The following SH3KBP1 variants were observed in gnomAD, a reference collection of about 807,000 sequenced individuals.
SH3KBP1 encodes SH3 domain containing kinase binding protein 1.
A neutral mutation model predicts 50.1 loss-of-function variants in SH3KBP1; 8 were observed. That is an observed-to-expected ratio of 0.16 (90% CI 0.09 to 0.29). The LOEUF (loss-of-function observed/expected upper bound fraction) is 0.29. SH3KBP1 is among the 10% of genes least tolerant of loss of function. SH3KBP1 has a pLI of 1.00. For synonymous variants in SH3KBP1, 227 were observed against 218.6 expected, an observed-to-expected ratio of 1.04 and a Z score of -0.34; for missense variants, 377 against 535.2, an observed-to-expected ratio of 0.70 and a Z score of 2.92.
intron 1 of SH3KBP1, among the ~76,000 whole-genome samples, chrX:19,867,085 C>G (rs1359549686): frequency 1.8e-5 from 2 of 111,919 alleles, no homozygotes; most frequent in African/African-American, 6.5e-5. Context: ...CAAAATTTTT[C>G]TTTCGCTGCC....
At chrX:19,723,013 G>T (rs1046101448) in intron 3 of SH3KBP1, among the ~76,000 whole-genome samples, 2 of 108,795 alleles carry the variant, frequency 1.8e-5, no homozygotes, top group African/African-American at 6.7e-5. Flanking sequence ...CAGGCGTAGT[G>T]ACACACGCCT....
At chrX:19,876,029 C>T (rs958712954) in intron 1 of SH3KBP1, among the ~76,000 whole-genome samples, 5 of 112,035 alleles carry the variant, frequency 4.5e-5, no homozygotes, top group Non-Finnish European at 3.8e-5. Context: ...ATATATACAA[C>T]ATGAAAGTGG....
intron 6 of SH3KBP1, among the ~76,000 whole-genome samples, chrX:19,681,740 C>T (rs779177918): frequency 1.8e-5 from 2 of 111,296 alleles, no homozygotes; most frequent in African/African-American, 3.3e-5. Flanking sequence ...GGACCCAGAA[C>T]GAAGAAAGTG....
intron 2 of SH3KBP1, among the ~76,000 whole-genome samples, chrX:19,761,203 A>AG (rs1050921516): frequency 5.8e-5 from 1 of 17,167 alleles, no homozygotes; most frequent in East Asian, 2.7e-3. Flanking sequence ...AGGAGGAGGG[A>AG]GGGGGGGAAG....
intron 3 of SH3KBP1, among the ~76,000 whole-genome samples, chrX:19,743,825 T>C (rs890213961): frequency 7.1e-5 from 8 of 112,739 alleles, no homozygotes; most frequent in Admixed American, 1.9e-4. Flanking sequence ...ATGATAGAAA[T>C]AGATGTCAAT....
intron 4 of SH3KBP1, among the ~76,000 whole-genome samples, chrX:19,703,700 G>C (rs1273241695): frequency 3.3e-3 from 74 of 22,637 alleles, no homozygotes; most frequent in African/African-American, 0.013. Flanking sequence ...GAGAAACTGT[G>C]TGTGTGTGTG....
chrX:19,555,611 C>T (rs1327952829), intron 13 of SH3KBP1, among the ~76,000 whole-genome samples: 3 of 112,032 alleles, frequency 2.7e-5, no homozygotes, highest in Non-Finnish European at 5.6e-5. Flanking sequence ...ACAGCTAAAA[C>T]CTGGCAATGT....
At chrX:19,876,211 A>T (rs2069245930) in intron 1 of SH3KBP1, among the ~76,000 whole-genome samples, 1 of 111,275 alleles carries the variant, frequency 9.0e-6, no homozygotes, top group African/African-American at 3.3e-5. Flanking sequence ...ATACAAAAAA[A>T]TTAGCTGGGC....
chrX:19,663,428 T>C (rs904960212), intron 6 of SH3KBP1, among the ~76,000 whole-genome samples: 1 of 111,554 alleles, frequency 9.0e-6, no homozygotes, highest in Non-Finnish European at 1.9e-5. Flanking sequence ...ATGGAGAATG[T>C]TCATTTCAAT....
rs185059238 is a variant in SH3KBP1, at chrX:19,563,177, G to A, written c.1384+5926C>T. Among the ~76,000 whole-genome samples the A allele has an allele frequency of 5.5e-3, 619 of 112,260 alleles. 7 individuals are homozygous for A. Among genetic ancestry groups the A allele is most frequent in the African/African-American group, 0.02 (605 of 30,932 alleles). ...GTGCAAGGTGCACAGGCAGAGGTGA[G>A]CACCTCGGTTCTGGTGAGGATCAAC... On this transcript the variant is annotated intron_variant, in intron 13 of 17. Transcript: ENST00000397821.
At position 19,542,072 on chromosome X, in the gene SH3KBP1, C is replaced by G. The variant is rs755280140; in HGVS notation, c.1745G>C (p.Gly582Ala). The G allele has an allele frequency of 1.5e-5, 18 of 1,210,132 alleles. No individual in the cohort carries two copies. Among genetic ancestry groups the G allele is most frequent in the South Asian group, 8.8e-5 (5 of 56,790 alleles). ...CAGAGACGGGGAGTTGGCTCTGTGT[C>G]CAGCTGTTCCCAAAGAGGATGACAG... ...SPLSSSLGTAGHRANSPSLFG... is the reference protein window; with the variant it reads ...SPLSSSLGTAAHRANSPSLFG... Residue 582 changes from glycine to alanine, a missense_variant, in exon 16 of 18, where the codon GGA becomes GCA. Gly to Ala is a moderately conservative substitution (Grantham distance 60, BLOSUM62 0). Around this residue, in one of 3 missense-constraint regions of SH3KBP1, gnomAD observed 110 missense variants for 124.1 expected, o/e 0.89. Transcript: ENST00000397821.
intron 6 of SH3KBP1, among the ~76,000 whole-genome samples, chrX:19,683,532 G>C (rs1233560488): frequency 9.0e-6 from 1 of 111,340 alleles, no homozygotes; most frequent in Non-Finnish European, 1.9e-5. Flanking sequence ...AGGAATGAGG[G>C]GTTTTTCTGG....
chrX:19,870,542 C>G (rs1462980727), intron 1 of SH3KBP1, among the ~76,000 whole-genome samples: 1 of 111,555 alleles, frequency 9.0e-6, no homozygotes, highest in Admixed American at 9.5e-5. Flanking sequence ...GACAGGGTAT[C>G]GCCATGTTGC....
chrX:19,684,197 T>C (rs1569417482), intron 5 of SH3KBP1, among the ~76,000 whole-genome samples, 169 bp from the exon 6 acceptor site: 1 of 112,428 alleles, frequency 8.9e-6, no homozygotes, highest in African/African-American at 3.2e-5. Context: ...GCTCTGAGTT[T>C]TGTTTGATCT....
chrX:19,765,643 T>C (rs2065582627), intron 2 of SH3KBP1, among the ~76,000 whole-genome samples: 2 of 112,055 alleles, frequency 1.8e-5, no homozygotes, highest in African/African-American at 6.5e-5. Flanking sequence ...AGTCACATTG[T>C]GCAAAAGATC....
At chrX:19,797,701 A>C (rs1445862965) in intron 2 of SH3KBP1, among the ~76,000 whole-genome samples, 1 of 111,419 alleles carries the variant, frequency 9.0e-6, no homozygotes, top group East Asian at 2.8e-4. Context: ...ACGATTATTG[A>C]GGAGTCTTGC....
At chrX:19,873,288 ATG>A (rs1403296139) in intron 1 of SH3KBP1, among the ~76,000 whole-genome samples, 10,507 of 89,123 alleles carry the variant, frequency 0.12, 521 homozygotes, top group African/African-American at 0.13. Flanking sequence ...ATATATATAT[ATG>A]TATATATATA....
At chrX:19,697,240 G>C (rs2063437923) in intron 4 of SH3KBP1, among the ~76,000 whole-genome samples, 2 of 112,158 alleles carry the variant, frequency 1.8e-5, no homozygotes, top group South Asian at 7.5e-4. Context: ...GTTGAGGAAA[G>C]TCTGTATTAC....
intron 1 of SH3KBP1, among the ~76,000 whole-genome samples, chrX:19,840,158 T>C (rs749915773): frequency 1.8e-5 from 2 of 111,843 alleles, no homozygotes; most frequent in Non-Finnish European, 3.8e-5. Flanking sequence ...TCATAAATCA[T>C]GAGGATATGT....
Sources: gnomAD v4.1 joint callset for allele counts (sites outside exome capture counted in the v4.1 genomes callset) on GRCh38, gnomAD v4.1.1 for gene constraint, gnomAD v4.1.1 regional missense constraint, MANE v1.5 for transcripts, NCBI Gene and HGNC (gene_info 2026-07-23, HGNC 2026-07-21) for gene names.